The following FARS2 variants were observed in gnomAD, a reference collection of about 807,000 sequenced individuals.
The protein encoded by FARS2 is phenylalanyl-tRNA synthetase 2, mitochondrial, also known as phenylalanine--tRNA ligase, mitochondrial.
FARS2 carries 40 observed loss-of-function variants against 46.4 expected under a neutral mutation model. The ratio of observed to expected loss-of-function variants is 0.86; its 90% CI spans 0.67 to 1.12. FARS2 has a LOEUF of 1.12. Among genes scored for constraint, FARS2 ranks in the 50% most tolerant of loss-of-function variants. The pLI, the probability that FARS2 is intolerant of heterozygous loss-of-function variation, is 0.00. For missense variants in FARS2, 513 were observed against 567.9 expected (o/e 0.90, Z 0.98); for synonymous variants, 234 against 214.9 (o/e 1.09, Z -0.78).
chr6:5,405,383 T>TA lies in FARS2; in HGVS notation c.772+683dup, dbSNP rs1357723043. ...ACGTTTGCTAAGAATGATAATGGAT[T>TA]AGGTCAGTCTCATCAATGGAGTGAA... On this transcript the variant is annotated intron_variant, in intron 3 of 6. Coordinates refer to ENST00000274680, the MANE Select transcript of FARS2 (RefSeq NM_006567.5). Among the ~76,000 whole-genome samples, 3 of 152,022 alleles carry TA rather than the reference T, an allele frequency of 2.0e-5. No homozygotes were observed. The East Asian group carries it at 5.8e-4, about 29-fold the overall frequency.
intron 6 of FARS2, among the ~76,000 whole-genome samples, chr6:5,659,904 A>G (rs1396395953): frequency 1.3e-5 from 2 of 152,232 alleles, no homozygotes; most frequent in South Asian, 2.1e-4. Flanking sequence ...GGAACTTTAC[A>G]ATGCACCTCC....
chr6:5,645,925 C>G (rs1401865964), intron 6 of FARS2, among the ~76,000 whole-genome samples: 2 of 152,194 alleles, frequency 1.3e-5, no homozygotes, highest in Non-Finnish European at 2.9e-5. Context: ...ACACTCCCTT[C>G]AAAGAGTGAG....
chr6:5,368,453 C>A, intron 1 of FARS2, 97 bp from the exon 2 acceptor site: 2 of 1,073,062 alleles, frequency 1.9e-6, no homozygotes, highest in South Asian at 1.5e-5. Context: ...GGAAACATGC[C>A]AGTAGGACAA....
At chr6:5,521,489 G>A (rs72817758) in intron 4 of FARS2, among the ~76,000 whole-genome samples, 5,081 of 152,228 alleles carry the variant, frequency 0.033, 125 homozygotes, top group Non-Finnish European at 0.051. Flanking sequence ...GTGTTGATGC[G>A]TACATAGATA....
At chr6:5,366,928 A>G (rs928543572) in intron 1 of FARS2, among the ~76,000 whole-genome samples, 9 of 152,238 alleles carry the variant, frequency 5.9e-5, no homozygotes, top group African/African-American at 1.9e-4. Flanking sequence ...ACTGAACACT[A>G]GATGGGAAGA....
chr6:5,488,216 T>C (rs1349524315), intron 4 of FARS2, among the ~76,000 whole-genome samples: 5 of 152,302 alleles, frequency 3.3e-5, no homozygotes, highest in East Asian at 1.9e-4. Context: ...ACAGTAGTGA[T>C]TGGAATGCTC....
chr6:5,609,786 C>T, intron 5 of FARS2: 1 of 1,406,458 alleles, frequency 7.1e-7, no homozygotes, highest in Non-Finnish European at 9.9e-7. Flanking sequence ...GTCATGATTT[C>T]AGTCACTTCA....
At chr6:5,255,893 A>G in the FARS2 span, among the ~76,000 whole-genome samples, 2 of 152,184 alleles carry the variant, frequency 1.3e-5, no homozygotes, top group African/African-American at 4.8e-5. Context: ...ACTAACCTAA[A>G]TAGTATTCCT....
At position 5,731,246 on chromosome 6, in the gene FARS2, C is replaced by A. The variant is rs138305309; in HGVS notation, c.1218-40045C>A. Among the ~76,000 whole-genome samples, 294 of 152,300 alleles carry A rather than the reference C, an allele frequency of 1.9e-3. 3 individuals carry two copies. The highest frequency in any genetic ancestry group is 3.4e-3 in the Non-Finnish European group (234 of 68,020). ...CCAGGAACTACCACTCAGAGGAAGA[C>A]AAGCCCCGCTCCTGTTTTTCCTTCC... On this transcript the variant is annotated intron_variant, in intron 6 of 6. Coordinates refer to ENST00000274680, the MANE Select transcript of FARS2 (RefSeq NM_006567.5).
In FARS2 at chr6:5,563,766, G is replaced by C. The variant is rs147326089; in HGVS notation, c.1065+18426G>C. 4.8e-3 allele frequency among the ~76,000 whole-genome samples: 735 copies of C among 152,108 alleles called. 5 individuals carry two copies. Among genetic ancestry groups the C allele is most frequent in the African/African-American group, 0.017 (686 of 41,502 alleles). On this transcript the variant is annotated intron_variant, in intron 5 of 6. Transcript: ENST00000274680. ...TTGAGTTATAGTATGGAGTATACAG[G>C]GTCCAAATACCAATACAAGATATAT...
upstream of FARS2, among the ~76,000 whole-genome samples, chr6:5,259,825 C>A (rs1331093189): frequency 2.0e-5 from 3 of 151,726 alleles, no homozygotes; most frequent in Admixed American, 6.6e-5. Flanking sequence ...AAAAACAAAT[C>A]TAAAAAAAAA....
intron 2 of FARS2, among the ~76,000 whole-genome samples, chr6:5,373,291 C>T (rs1418459875): frequency 6.6e-6 from 1 of 152,106 alleles, no homozygotes; most frequent in Non-Finnish European, 1.5e-5. Flanking sequence ...CAGTGGATCT[C>T]TACCTCACAC....
chr6:5,650,282 G>C (rs1308942378), intron 6 of FARS2, among the ~76,000 whole-genome samples: 2 of 131,010 alleles, frequency 1.5e-5, no homozygotes, highest in Non-Finnish European at 3.2e-5. Context: ...TTTTTTTTGA[G>C]ACAGAGTCTC....
chr6:5,325,442 C>T (rs1026944363), intron 1 of FARS2, among the ~76,000 whole-genome samples: 8 of 152,364 alleles, frequency 5.3e-5, no homozygotes, highest in East Asian at 3.9e-4. Flanking sequence ...TGCTTTGCTG[C>T]CTGGGCTGCC....
intron 1 of FARS2, among the ~76,000 whole-genome samples, chr6:5,323,824 A>G (rs1255973280): frequency 6.6e-6 from 1 of 152,200 alleles, no homozygotes; most frequent in Non-Finnish European, 1.5e-5. Context: ...GCCTAAATCC[A>G]AAGGGTATCA....
chr6:5,495,109 A>C (rs879420102), intron 4 of FARS2, among the ~76,000 whole-genome samples: 2 of 152,182 alleles, frequency 1.3e-5, no homozygotes, highest in South Asian at 2.1e-4. Flanking sequence ...CATTGCCTTC[A>C]TTTTCTTCCC....
At chr6:5,383,332 G>A (rs949896098) in intron 2 of FARS2, among the ~76,000 whole-genome samples, 1 of 152,194 alleles carries the variant, frequency 6.6e-6, no homozygotes, top group Admixed American at 6.5e-5. Context: ...ACTGAATAAA[G>A]GACTGGAACT....
intron 6 of FARS2, among the ~76,000 whole-genome samples, chr6:5,770,401 T>TTGCTGC (rs3058189): frequency 2.1e-4 from 32 of 151,514 alleles, no homozygotes; most frequent in East Asian, 5.8e-4. Context: ...TCTGTTGTTG[T>TTGCTGC]TGCTGCTGCT....
At chr6:5,684,315 C>T (rs554017630) in intron 6 of FARS2, among the ~76,000 whole-genome samples, 4 of 152,250 alleles carry the variant, frequency 2.6e-5, no homozygotes, top group South Asian at 2.1e-4. Flanking sequence ...TTCTGCCGCA[C>T]GCCCATCACC....
Sources: gnomAD v4.1 joint callset for allele counts (sites outside exome capture counted in the v4.1 genomes callset) on GRCh38, gnomAD v4.1.1 for gene constraint, MANE v1.5 for transcripts, NCBI Gene and HGNC (gene_info 2026-07-23, HGNC 2026-07-21) for gene names.